Variants in NCAM1 observed in about 807,000 individuals in gnomAD.
NCAM1 encodes antigen recognized by monoclonal antibody 5.1H11.
Under a neutral mutation model 109.8 loss-of-function variants are expected in NCAM1, and 14 were observed. The ratio of observed to expected loss-of-function variants is 0.13; its 90% CI spans 0.08 to 0.20. The LOEUF (loss-of-function observed/expected upper bound fraction) is 0.20. NCAM1 is among the 10% of genes least tolerant of loss of function. The pLI, the probability that NCAM1 is intolerant of heterozygous loss-of-function variation, is 1.00. For synonymous variants in NCAM1, 418 were observed against 442.9 expected, an observed-to-expected ratio of 0.94 and a Z score of 0.70; for missense variants, 774 against 1,109.9, an observed-to-expected ratio of 0.70 and a Z score of 4.30.
At chr11:113,214,301 C>G in intron 7 of NCAM1, 68 bp from the exon 8 acceptor site, 3 of 1,531,930 alleles carry the variant, frequency 2.0e-6, no homozygotes, top group South Asian at 1.2e-5. Flanking sequence ...TGGATAGGTG[C>G]ATGCCATCAT....
chr11:113,021,740 G>T (rs782284738), intron 1 of NCAM1, among the ~76,000 whole-genome samples: 5 of 152,184 alleles, frequency 3.3e-5, no homozygotes, highest in Non-Finnish European at 7.3e-5. Context: ...TTGTCATTTT[G>T]CATGATTATA....
rs1468210211 is a variant in NCAM1, at chr11:113,214,384, C to A, written c.932C>A (p.Thr311Lys). 6.2e-7 allele frequency: 1 copy of A among 1,613,806 alleles called. No homozygotes were observed. Among genetic ancestry groups the A allele is most frequent in the Non-Finnish European group, 8.5e-7 (1 of 1,179,858 alleles). The change falls in exon 8 of 20, where the codon ACA becomes AAA. Residue 311 changes from threonine (T) to lysine (K), a missense_variant. Thr to Lys is a moderately conservative substitution (Grantham distance 78). Around this residue, in one of 4 missense-constraint regions of NCAM1, gnomAD observed 523 missense variants for 784.2 expected, o/e 0.67. Coordinates refer to ENST00000316851, the MANE Select transcript of NCAM1 (RefSeq NM_181351.5). ...GTCTTTTCAGCAAAACCCAAAATCACATATGTAGAGAACCAGACTGCCATG... is the reference window on the plus strand; with the variant it reads ...GTCTTTTCAGCAAAACCCAAAATCAAATATGTAGAGAACCAGACTGCCATG... ...HLKVFAKPKI[T>K]YVENQTAMEL...
At chr11:113,164,272 C>T (rs1450341324) in intron 1 of NCAM1, among the ~76,000 whole-genome samples, 1 of 152,188 alleles carries the variant, frequency 6.6e-6, no homozygotes, top group Non-Finnish European at 1.5e-5. Flanking sequence ...CCCATACTCA[C>T]TTCTAATACT....
chr11:113,048,329 C>T (rs1274706135), intron 1 of NCAM1, among the ~76,000 whole-genome samples: 1 of 152,342 alleles, frequency 6.6e-6, no homozygotes, highest in East Asian at 1.9e-4. Flanking sequence ...ATTTTTAACT[C>T]TTTACAATAT....
At chr11:113,112,883 G>A (rs1425130232) in intron 1 of NCAM1, among the ~76,000 whole-genome samples, 1 of 152,100 alleles carries the variant, frequency 6.6e-6, no homozygotes, top group African/African-American at 2.4e-5. Context: ...CGTAATCCCA[G>A]CACTTTGGGA....
chr11:113,225,040 A>G (rs1555115968), intron 9 of NCAM1, among the ~76,000 whole-genome samples: 1 of 152,272 alleles, frequency 6.6e-6, no homozygotes, highest in African/African-American at 2.4e-5. Context: ...TCTTCTCCAA[A>G]GGAACGCAGC....
intron 8 of NCAM1, among the ~76,000 whole-genome samples, chr11:113,217,139 G>A (rs560754176): frequency 3.4e-4 from 52 of 152,308 alleles, no homozygotes; most frequent in African/African-American, 1.1e-3. Flanking sequence ...TAAAATCATA[G>A]ATGTTCGGAA....
chr11:113,118,675 C>T (rs550488604), intron 1 of NCAM1, among the ~76,000 whole-genome samples: 8 of 151,782 alleles, frequency 5.3e-5, no homozygotes, highest in Non-Finnish European at 1.0e-4. Flanking sequence ...AAAAAAGTTT[C>T]GGTGAATAGA....
intron 1 of NCAM1, among the ~76,000 whole-genome samples, chr11:113,063,760 C>T (rs1937795896): frequency 6.7e-6 from 1 of 150,028 alleles, no homozygotes; most frequent in African/African-American, 2.4e-5. Context: ...ACATATGATA[C>T]TTTGGTCCAT....
At chr11:112,984,693 A>C (rs1951248674) in intron 1 of NCAM1, among the ~76,000 whole-genome samples, 1 of 151,522 alleles carries the variant, frequency 6.6e-6, no homozygotes, top group African/African-American at 2.4e-5. Context: ...GGTTATTTTT[A>C]TGTGTTTTTA....
At chr11:113,214,102 G>T (rs1944460678) in intron 7 of NCAM1, among the ~76,000 whole-genome samples, 2 of 152,222 alleles carry the variant, frequency 1.3e-5, no homozygotes, top group Non-Finnish European at 2.9e-5. Context: ...CATCCAGGGA[G>T]CGATCTTCCG....
rs1181478912 is a variant in NCAM1 at position 113,169,841 on chromosome 11, G to A, written c.53-32538G>A. ...GGGGTTTCGCCATGTTGGTCAGGCT[G>A]GTCTCAAACTCCTGACCTCAAGTGA... is the stretch of plus-strand genomic sequence containing the variant. On this transcript the variant is annotated intron_variant, in intron 1 of 19. Transcript: ENST00000316851. 3.3e-5 allele frequency among the ~76,000 whole-genome samples: 5 copies of A among 151,984 alleles called. 1 individual carries two copies. The highest frequency in any genetic ancestry group is 2.0e-4 in the Admixed American group (3 of 15,260).
rs548778232 is a variant in NCAM1, at chr11:113,265,104, A to G, written c.2131+4781A>G. The G allele has an allele frequency of 5.1e-6, 5 of 985,350 alleles. No individual in the cohort carries two copies. The South Asian group carries it at 2.4e-4, about 46-fold the overall frequency. 61.0% of individuals were successfully genotyped at this position (985,350 alleles called of 1,614,324 possible). A position where few individuals can be genotyped will look rare whatever the true frequency, so the allele number is the denominator to read the frequency against. On this transcript the variant is annotated intron_variant, in intron 17 of 19. Transcript: ENST00000316851. ...CAGGTTTGGATCATGTTTTTCTACTAATAAGAATGCTAACATTGTTGTGTA... is the reference window on the plus strand; with the variant it reads ...CAGGTTTGGATCATGTTTTTCTACTGATAAGAATGCTAACATTGTTGTGTA...
chr11:113,069,507 C>T (rs782672804), intron 1 of NCAM1, among the ~76,000 whole-genome samples: 4 of 151,984 alleles, frequency 2.6e-5, no homozygotes, highest in Non-Finnish European at 5.9e-5. Context: ...GAGAAGGACC[C>T]GGAAGGAACC....
intron 9 of NCAM1, among the ~76,000 whole-genome samples, chr11:113,228,622 C>A (rs1591438372): frequency 6.6e-6 from 1 of 152,270 alleles, no homozygotes; most frequent in East Asian, 1.9e-4. Flanking sequence ...CCCGCATCAC[C>A]AAGTCAATCC....
intron 14 of NCAM1, chr11:113,243,034 A>T (rs1192382555): frequency 2.1e-6 from 2 of 951,310 alleles, no homozygotes; most frequent in Non-Finnish European, 2.5e-6. Flanking sequence ...CAAACCAAGC[A>T]TCAGCAAAAG....
chr11:113,048,685 G>A (rs1256198779), intron 1 of NCAM1, among the ~76,000 whole-genome samples: 2 of 152,158 alleles, frequency 1.3e-5, no homozygotes, highest in African/African-American at 4.8e-5. Context: ...AAGGAGTATG[G>A]ACTTTGGGTT....
At chr11:113,195,960 G>A (rs1943843309) in intron 1 of NCAM1, among the ~76,000 whole-genome samples, 1 of 151,158 alleles carries the variant, frequency 6.6e-6, no homozygotes, top group Non-Finnish European at 1.5e-5. Flanking sequence ...ACTGTCATAT[G>A]TACTGTCATT....
intron 1 of NCAM1, among the ~76,000 whole-genome samples, chr11:113,061,435 GT>G (rs1555083432): frequency 6.6e-6 from 1 of 152,164 alleles, no homozygotes; most frequent in Non-Finnish European, 1.5e-5. Context: ...AATCTCAAAA[GT>G]AGGTGAATTA....
Sources: gnomAD v4.1 joint callset for allele counts (sites outside exome capture counted in the v4.1 genomes callset) on GRCh38, gnomAD v4.1.1 for gene constraint, gnomAD v4.1.1 regional missense constraint, MANE v1.5 for transcripts, NCBI Gene and HGNC (gene_info 2026-07-23, HGNC 2026-07-21) for gene names.